The following AUTS2 variants were observed in gnomAD, a reference collection of about 807,000 sequenced individuals.
AUTS2 encodes the protein autism susceptibility gene 2 protein.
In AUTS2, 17 loss-of-function variants were observed where a neutral mutation model predicts 112.4. The observed-to-expected ratio is 0.15, with a 90% CI of 0.10 to 0.23. The LOEUF (loss-of-function observed/expected upper bound fraction) is 0.23, where lower values mean the gene tolerates loss of function less well. AUTS2 is among the 10% of genes least tolerant of loss of function. AUTS2 has a pLI of 1.00. For synonymous variants in AUTS2, 751 were observed against 702.7 expected (o/e 1.07, Z -1.09); for missense variants, 1,510 against 1,701.6 (o/e 0.89, Z 1.98).
chr7:70,040,337 A>G (rs552392273), intron 2 of AUTS2, among the ~76,000 whole-genome samples: 2 of 152,210 alleles, frequency 1.3e-5, no homozygotes, highest in South Asian at 4.1e-4. Context: ...CTTTCTGCCC[A>G]GTTTTTCTAT....
intron 2 of AUTS2, among the ~76,000 whole-genome samples, chr7:70,065,662 A>C (rs1245854193): frequency 6.6e-6 from 1 of 151,998 alleles, no homozygotes; most frequent in Non-Finnish European, 1.5e-5. Context: ...GTGCCACTGC[A>C]CTCCAGTCTG....
intron 1 of AUTS2, among the ~76,000 whole-genome samples, chr7:69,638,006 CT>C (rs1221050254): frequency 6.6e-6 from 1 of 152,102 alleles, no homozygotes; most frequent in Non-Finnish European, 1.5e-5. Context: ...ATCTAAGACC[CT>C]CCCCCTAATT....
intron 4 of AUTS2, among the ~76,000 whole-genome samples, chr7:70,307,874 A>G (rs1015492852): frequency 9.9e-5 from 15 of 152,058 alleles, no homozygotes; most frequent in Non-Finnish European, 2.9e-5. Flanking sequence ...AAAAAAAAAA[A>G]TGTTTACCTT....
intron 4 of AUTS2, among the ~76,000 whole-genome samples, chr7:70,333,047 T>C (rs769215663): frequency 6.6e-6 from 1 of 151,930 alleles, no homozygotes; most frequent in Non-Finnish European, 1.5e-5. Context: ...TGGGAGAAAA[T>C]TTTTGCAATC....
chr7:69,978,894 A>ACACACACACACACACACACG (rs1554418145), intron 2 of AUTS2, among the ~76,000 whole-genome samples: 4 of 137,094 alleles, frequency 2.9e-5, no homozygotes, highest in African/African-American at 5.3e-5. Flanking sequence ...ACACACACAC[A>ACACACACACACACACACACG]CACACACGCA....
chr7:70,002,383 G>C (rs1799238591), intron 2 of AUTS2, among the ~76,000 whole-genome samples: 1 of 152,052 alleles, frequency 6.6e-6, no homozygotes, highest in Admixed American at 6.6e-5. Flanking sequence ...TCACTCTAGA[G>C]ATGACTTTCT....
At chr7:70,677,029 A>G (rs1807949238) in intron 5 of AUTS2, among the ~76,000 whole-genome samples, 1 of 152,132 alleles carries the variant, frequency 6.6e-6, no homozygotes, top group African/African-American at 2.4e-5. Context: ...TTTTCTAACA[A>G]TTCTCCTGCT....
chr7:70,059,510 T>C (rs1226426746), intron 2 of AUTS2, among the ~76,000 whole-genome samples: 1 of 152,142 alleles, frequency 6.6e-6, no homozygotes, highest in African/African-American at 2.4e-5. Flanking sequence ...TGGTTACTTT[T>C]TTTAAATTTC....
intron 2 of AUTS2, among the ~76,000 whole-genome samples, chr7:69,935,968 A>G (rs1329992976): frequency 1.3e-5 from 2 of 152,242 alleles, no homozygotes; most frequent in Non-Finnish European, 2.9e-5. Context: ...TCCTGAGTCC[A>G]GAAAGCCATT....
intron 4 of AUTS2, among the ~76,000 whole-genome samples, chr7:70,269,358 C>G (rs1001640333): frequency 4.6e-5 from 7 of 152,076 alleles, no homozygotes; most frequent in Non-Finnish European, 1.0e-4. Context: ...TAGTAGAAGC[C>G]TTGAACAATT....
In AUTS2 at chr7:69,792,107, C is replaced by T. The variant is rs573427449; in HGVS notation, c.310-107179C>T. Among the ~76,000 whole-genome samples, 8 of 152,146 alleles carry T rather than the reference C, an allele frequency of 5.3e-5. No homozygotes were observed. In the South Asian group the frequency reaches 1.7e-3, roughly 32 times the overall value. ...GAAAGTGGTTTAAAGCTAGTGATAC[C>T]TCCTTCTCCTTGATTTCTAGGAACT... On this transcript the variant is annotated intron_variant, in intron 1 of 18. Coordinates refer to ENST00000342771, the MANE Select transcript of AUTS2 (RefSeq NM_015570.4).
At chr7:70,641,046 C>T (rs1008745984) in intron 5 of AUTS2, among the ~76,000 whole-genome samples, 1 of 152,202 alleles carries the variant, frequency 6.6e-6, no homozygotes, top group Non-Finnish European at 1.5e-5. Flanking sequence ...TCTAATCCCT[C>T]ACCCAGCTTC....
chr7:69,869,527 C>T (rs1793385952), intron 1 of AUTS2, among the ~76,000 whole-genome samples: 1 of 148,624 alleles, frequency 6.7e-6, no homozygotes, highest in African/African-American at 2.5e-5. Flanking sequence ...GGTCAAGGAT[C>T]ATATATATAT....
intron 1 of AUTS2, among the ~76,000 whole-genome samples, chr7:69,657,530 G>A (rs1795599185): frequency 6.6e-6 from 1 of 152,164 alleles, no homozygotes; most frequent in Non-Finnish European, 1.5e-5. Flanking sequence ...GCAGATCAGT[G>A]GAGAATGGAT....
intron 4 of AUTS2, among the ~76,000 whole-genome samples, chr7:70,318,034 A>G (rs10085696): frequency 0.2 from 31,151 of 152,020 alleles, 3,171 homozygotes; most frequent in Middle Eastern, 0.31. Context: ...CGGTTGGATC[A>G]TGGCTCTTAT....
At position 69,794,489 on chromosome 7, in the gene AUTS2, C is replaced by T. The variant is rs577260034; in HGVS notation, c.310-104797C>T. 1.8e-4 allele frequency among the ~76,000 whole-genome samples: 28 copies of T among 152,226 alleles called. No individual in the cohort carries two copies. In the South Asian group the frequency reaches 4.8e-3, roughly 26 times the overall value. On this transcript the variant is annotated intron_variant, in intron 1 of 18. Transcript: ENST00000342771. ...TTCTTGCAGCTGCATTCGTTTTGTG[C>T]CTGATTCCACTAAGGACTGTACTTT...
At chr7:70,290,596 GAAATT>G in intron 4 of AUTS2, 4 of 1,437,078 alleles carry the variant, frequency 2.8e-6, no homozygotes, top group Non-Finnish European at 3.6e-6. Flanking sequence ...ACCCCAATGA[GAAATT>G]AAACACTTCC....
intron 4 of AUTS2, among the ~76,000 whole-genome samples, chr7:70,191,158 T>C (rs1461491861): frequency 1.4e-5 from 2 of 145,772 alleles, no homozygotes; most frequent in East Asian, 4.3e-4. Context: ...CATCCACTTA[T>C]TTCTTTTTTT....
At chr7:70,248,939 A>G (rs1165688166) in intron 4 of AUTS2, among the ~76,000 whole-genome samples, 1 of 152,094 alleles carries the variant, frequency 6.6e-6, no homozygotes, top group Non-Finnish European at 1.5e-5. Flanking sequence ...CTTCATTTTT[A>G]TTGCTTTCAG....
Sources: allele counts gnomAD v4.1 joint callset (sites outside exome capture counted in the v4.1 genomes callset), GRCh38; gene constraint gnomAD v4.1.1; transcripts MANE v1.5; gene names NCBI Gene and HGNC (gene_info 2026-07-23, HGNC 2026-07-21).